Variants in CYP19A1 observed in about 807,000 individuals in gnomAD.
The protein encoded by CYP19A1 is aromatase.
In CYP19A1, 32 loss-of-function variants were observed where a neutral mutation model predicts 44.4. The ratio of observed to expected loss-of-function variants is 0.72; its 90% CI spans 0.54 to 0.97. CYP19A1 has a LOEUF of 0.97. CYP19A1 is among the 50% of genes least tolerant of loss of function. The pLI is 0.00. For synonymous variants in CYP19A1, 212 were observed against 215.6 expected, an observed-to-expected ratio of 0.98 and a Z score of 0.14; for missense variants, 598 against 637.8, an observed-to-expected ratio of 0.94 and a Z score of 0.67.
chr15:51,306,911 G>C (rs1206859172), intron 1 of CYP19A1, among the ~76,000 whole-genome samples: 1 of 152,226 alleles, frequency 6.6e-6, no homozygotes, highest in Non-Finnish European at 1.5e-5. Context: ...GAAGAGAACT[G>C]AAAAGGCACG....
intron 1 of CYP19A1, among the ~76,000 whole-genome samples, chr15:51,270,152 C>T (rs1176961947): frequency 6.6e-6 from 1 of 150,438 alleles, no homozygotes; most frequent in Non-Finnish European, 1.5e-5. Flanking sequence ...TCTTAGACAT[C>T]TTTCTTTAGA....
intron 1 of CYP19A1, among the ~76,000 whole-genome samples, chr15:51,283,550 AGGCTAT>A (rs2035600330): frequency 6.6e-6 from 1 of 152,234 alleles, no homozygotes; most frequent in South Asian, 2.1e-4. Context: ...CTTTCAGCTC[AGGCTAT>A]GGCTGGATTA....
At chr15:51,252,055 T>C (rs1057158977) in intron 1 of CYP19A1, among the ~76,000 whole-genome samples, 2 of 152,218 alleles carry the variant, frequency 1.3e-5, no homozygotes, top group South Asian at 4.1e-4. Context: ...CTTCCTTGGT[T>C]CTTTTCTTCC....
chr15:51,211,004 C>T lies in CYP19A1; in HGVS notation c.1316G>A (p.Gly439Glu). The part of the protein sequence containing the change: ...PFGFGPRGCA[G>E]KYIAMVMMKA... ...CATCATCACCATGGCGATGTACTTTCCTGCACAGCCACGGGGCCCAAAGCC... is the reference window on the plus strand; with the variant it reads ...CATCATCACCATGGCGATGTACTTTTCTGCACAGCCACGGGGCCCAAAGCC... Residue 439 changes from glycine (G) to glutamate (E), a missense_variant, in exon 10 of 10, where the codon GGA becomes GAA. Transcript: ENST00000396402. The T allele has an allele frequency of 2.5e-6, 4 of 1,591,100 alleles. No homozygotes were observed. Among genetic ancestry groups the T allele is most frequent in the Non-Finnish European group, 3.5e-6 (4 of 1,159,008 alleles).
rs547645308 is a variant in CYP19A1, at chr15:51,334,848, G to A, written c.-39+3647C>T. Among the ~76,000 whole-genome samples the A allele has an allele frequency of 2.0e-5, 3 of 152,164 alleles. No individual in the cohort carries two copies. In the East Asian group the frequency reaches 5.8e-4, roughly 29 times the overall value. The stretch of plus-strand genomic sequence containing the variant: ...TGCTTCAGCTGCAGAGAGCCACCTG[G>A]CCCCAGGTCATACCTTCCCAGGGCA... On this transcript the variant is annotated intron_variant, in intron 1 of 9. Transcript: ENST00000396402.
At chr15:51,283,960 A>G (rs2035615563) in intron 1 of CYP19A1, among the ~76,000 whole-genome samples, 1 of 152,244 alleles carries the variant, frequency 6.6e-6, no homozygotes, top group Non-Finnish European at 1.5e-5. Flanking sequence ...TACGGGAGTT[A>G]GAGGACGCTT....
Position 51,211,012 on chromosome 15 carries a change from G to A in CYP19A1, c.1308C>T (p.Gly436=). ...YFQPFGFGPR[G]CAGKYIAMVM... ...CCATGGCGATGTACTTTCCTGCACA[G>A]CCACGGGGCCCAAAGCCAAATGGCT... Residue 436 remains glycine (G), a synonymous_variant, in exon 10 of 10, where the codon GGC becomes GGT. Transcript: ENST00000396402. The A allele has an allele frequency of 6.3e-7, 1 of 1,590,918 alleles. No homozygotes were observed. The highest frequency in any genetic ancestry group is 8.6e-7 in the Non-Finnish European group (1 of 1,158,936).
chr15:51,250,451 A>C (rs1197413934), intron 1 of CYP19A1, among the ~76,000 whole-genome samples: 1 of 152,220 alleles, frequency 6.6e-6, no homozygotes, highest in African/African-American at 2.4e-5. Context: ...GAGTGCCCTT[A>C]TCTCAGCTAG....
At chr15:51,231,341 C>T (rs750269298) in intron 3 of CYP19A1, among the ~76,000 whole-genome samples, 1 of 152,116 alleles carries the variant, frequency 6.6e-6, no homozygotes, top group Non-Finnish European at 1.5e-5. Flanking sequence ...GACCTGGTCT[C>T]TTCAAAATGT....
At chr15:51,272,409 C>G (rs1020044391) in intron 1 of CYP19A1, among the ~76,000 whole-genome samples, 1 of 152,178 alleles carries the variant, frequency 6.6e-6, no homozygotes, top group Admixed American at 6.5e-5. Flanking sequence ...CCAGGTACAT[C>G]GTTTGAGTGC....
rs571415864 is a variant in CYP19A1 at position 51,269,218 on chromosome 15, A to C, written c.-38-26268T>G. On this transcript the variant is annotated intron_variant, in intron 1 of 9. Coordinates refer to ENST00000396402, the MANE Select transcript of CYP19A1 (RefSeq NM_000103.4). ...TATATGGTATGAGGTAAGGGTTAAT[A>C]GGGTTATTATTTTTTCTTTCTTATG... Among the ~76,000 whole-genome samples the C allele has an allele frequency of 7.9e-5, 12 of 152,168 alleles. No individual in the cohort carries two copies. The South Asian group carries it at 2.1e-3, about 26-fold the overall frequency.
intron 1 of CYP19A1, among the ~76,000 whole-genome samples, chr15:51,324,423 T>G (rs1169867974): frequency 6.6e-6 from 1 of 152,238 alleles, no homozygotes; most frequent in African/African-American, 2.4e-5. Context: ...AGCCGATTTA[T>G]AGGCTACCAG....
At chr15:51,266,051 A>G (rs943747620) in intron 1 of CYP19A1, among the ~76,000 whole-genome samples, 1 of 152,192 alleles carries the variant, frequency 6.6e-6, no homozygotes, top group Admixed American at 6.5e-5. Flanking sequence ...AGGTAAAAGA[A>G]GCTTCTGTTC....
At position 51,218,574 on chromosome 15, in the gene CYP19A1, A is replaced by G; in HGVS notation, c.710T>C (p.Ile237Thr). Reference sequence around the variant, plus strand: ...CTCATACTTTTTGTATAGCCAAGAAATCTTAAAGAAGATGTCTGGTTTGAT... The same window carrying G: ...CTCATACTTTTTGTATAGCCAAGAAGTCTTAAAGAAGATGTCTGGTTTGAT... ...LLIKPDIFFK[I>T]SWLYKKYEKS... Residue 237 changes from isoleucine to threonine, a missense_variant, in exon 6 of 10, where the codon ATT becomes ACT. By Grantham distance (89) the Ile-to-Thr change is moderately conservative (BLOSUM62 -1). Coordinates refer to ENST00000396402, the MANE Select transcript of CYP19A1 (RefSeq NM_000103.4). 6.2e-7 allele frequency: 1 copy of G among 1,613,812 alleles called. No homozygotes were observed. The highest frequency in any genetic ancestry group is 8.5e-7 in the Non-Finnish European group (1 of 1,179,870).
chr15:51,269,547 A>G (rs1483004697), intron 1 of CYP19A1, among the ~76,000 whole-genome samples: 2 of 152,064 alleles, frequency 1.3e-5, no homozygotes, highest in African/African-American at 4.8e-5. Context: ...AATCTCCTTA[A>G]AACAACAACA....
At chr15:51,232,461 T>C (rs897104363) in intron 3 of CYP19A1, among the ~76,000 whole-genome samples, 1 of 152,200 alleles carries the variant, frequency 6.6e-6, no homozygotes, top group African/African-American at 2.4e-5. Context: ...CTATTTACAC[T>C]AGAGGGTCTC....
At chr15:51,311,691 C>T (rs968256653) in intron 1 of CYP19A1, among the ~76,000 whole-genome samples, 8 of 152,186 alleles carry the variant, frequency 5.3e-5, no homozygotes, top group South Asian at 2.1e-4. Flanking sequence ...CCTTCCTACC[C>T]GCCAATGCCC....
chr15:51,287,327 A>C (rs564223550), intron 1 of CYP19A1, among the ~76,000 whole-genome samples: 1 of 152,302 alleles, frequency 6.6e-6, no homozygotes, highest in South Asian at 2.1e-4. Context: ...GGTTCACCCT[A>C]TTGTCTCCCA....
In CYP19A1 at chr15:51,271,236, C is replaced by T. The variant is rs1284443429; in HGVS notation, c.-38-28286G>A. The stretch of plus-strand genomic sequence containing the variant: ...TGGTCTCCAGATCTTCTGTTCTGTC[C>T]CTCTCTCATTCTTAGAGATGCTCTT... On this transcript the variant is annotated intron_variant, in intron 1 of 9. Coordinates refer to ENST00000396402, the MANE Select transcript of CYP19A1 (RefSeq NM_000103.4). Among the ~76,000 whole-genome samples, 3 of 152,012 alleles carry T rather than the reference C, an allele frequency of 2.0e-5. No individual in the cohort carries two copies. The East Asian group carries it at 5.8e-4, about 29-fold the overall frequency.
Sources: allele counts gnomAD v4.1 joint callset (sites outside exome capture counted in the v4.1 genomes callset), GRCh38; gene constraint gnomAD v4.1.1; transcripts MANE v1.5; gene names NCBI Gene and HGNC (gene_info 2026-07-23, HGNC 2026-07-21).